The following ARHGAP27 variants were observed in gnomAD, a reference collection of about 807,000 sequenced individuals.
The protein encoded by ARHGAP27 is rho GTPase-activating protein 27.
In ARHGAP27, 53 loss-of-function variants were observed where a neutral mutation model predicts 102.0. The ratio of observed to expected loss-of-function variants is 0.52; its 90% CI spans 0.42 to 0.65. The LOEUF (loss-of-function observed/expected upper bound fraction) is 0.65. ARHGAP27 is among the 30% of genes least tolerant of loss of function. ARHGAP27 has a pLI of 0.00. For synonymous variants in ARHGAP27, 525 were observed against 542.8 expected, an observed-to-expected ratio of 0.97 and a Z score of 0.46; for missense variants, 1,117 against 1,256.2, an observed-to-expected ratio of 0.89 and a Z score of 1.68.
In ARHGAP27 at chr17:45,425,352, A is replaced by C. The variant is rs370720331; in HGVS notation, c.657+4271T>G. Among the ~76,000 whole-genome samples, 119 of 152,190 alleles carry C rather than the reference A, an allele frequency of 7.8e-4. 3 individuals carry two copies. In the South Asian group the frequency reaches 0.021, roughly 27 times the overall value. On this transcript the variant is annotated intron_variant, in intron 4 of 19. Transcript: ENST00000685559. ...CCAAAGTCCCCCTAGCTGGCCCCGA[A>C]GGGGGACAGGAGGGTCTGTCCCAAG...
chr17:45,416,114 C>T (rs1486743861), intron 4 of ARHGAP27, among the ~76,000 whole-genome samples: 2 of 150,388 alleles, frequency 1.3e-5, no homozygotes, highest in Admixed American at 1.3e-4. Context: ...GGCATGATCT[C>T]GGCTCACTGC....
chr17:45,432,106 G>T (rs2050098138), intron 2 of ARHGAP27, 110 bp downstream of exon 2: 1 of 250,274 alleles, frequency 4.0e-6, no homozygotes, highest in South Asian at 3.5e-5. Context: ...TGGTTGTCTC[G>T]TGCGGGCGTT....
At chr17:45,395,952 C>A (rs1326376148) in intron 18 of ARHGAP27, 31 bp downstream of exon 18, 1 of 1,593,598 alleles carries the variant, frequency 6.3e-7, no homozygotes, top group African/African-American at 1.3e-5. Flanking sequence ...ACGCCCCTAC[C>A]CCATCCGCCC....
At chr17:45,408,991 T>C (rs1390770522) in intron 4 of ARHGAP27, 2 of 152,306 alleles carry the variant, frequency 1.3e-5, no homozygotes, top group African/African-American at 2.4e-5. Flanking sequence ...CACAAACTGC[T>C]TGTGTACACA....
In ARHGAP27 at chr17:45,405,853, G is replaced by A. The variant is rs1161408123; in HGVS notation, c.888C>T (p.Asp296=). ...ASPATSPASV[D]SHVSLETEWG... is the part of the protein sequence containing the mutation. ...ACTCGGTCTCAAGGCTCACGTGGCT[G>A]TCCACCGAGGCAGGGGAGGTGGCTG... Residue 296 remains aspartate, a synonymous_variant, in exon 5 of 20, where the codon GAC becomes GAT. Coordinates refer to ENST00000685559, the MANE Select transcript of ARHGAP27 (RefSeq NM_001282290.2). The A allele has an allele frequency of 5.9e-6, 9 of 1,536,212 alleles. No homozygotes were observed. Among genetic ancestry groups the A allele is most frequent in the Non-Finnish European group, 7.0e-6 (8 of 1,146,916 alleles).
Position 45,406,089 on chromosome 17 carries a change from G to A in ARHGAP27, c.658-6C>T, listed in dbSNP as rs1476300413. ...GGCTCCGGTGGGTCGTCCACCTGCG[G>A]GAGGAGAAAGGAGGAATTTTGTGTT... On this transcript the variant is annotated splice_polypyrimidine_tract_variant and splice_region_variant and intron_variant, in intron 4 of 19. Coordinates refer to ENST00000685559, the MANE Select transcript of ARHGAP27 (RefSeq NM_001282290.2). The A allele has an allele frequency of 2.0e-6, 3 of 1,502,064 alleles. No homozygotes were observed. In the African/African-American group the frequency reaches 4.2e-5, roughly 21 times the overall value. 93.0% of individuals were successfully genotyped at this position (1,502,064 alleles called of 1,614,324 possible).
chr17:45,401,945 C>G (rs1315401472), intron 12 of ARHGAP27, among the ~76,000 whole-genome samples: 1 of 152,166 alleles, frequency 6.6e-6, no homozygotes, highest in African/African-American at 2.4e-5. Flanking sequence ...GACAGTTCAC[C>G]ACGTGTGTTT....
At chr17:45,418,271 TAAAAAA>T (rs66460873) in intron 4 of ARHGAP27, among the ~76,000 whole-genome samples, 1 of 100,158 alleles carries the variant, frequency 1.0e-5, no homozygotes, top group Non-Finnish European at 2.0e-5. Flanking sequence ...TAATAAAAAG[TAAAAAA>T]AAAAAAAAAA....
chr17:45,400,641 A>G (rs12452022), intron 12 of ARHGAP27, among the ~76,000 whole-genome samples: 97 of 152,312 alleles, frequency 6.4e-4, no homozygotes, highest in African/African-American at 2.2e-3. Context: ...CAGACCGGGC[A>G]TGGTGGCTCA....
chr17:45,416,076 G>T (rs2048421430), intron 4 of ARHGAP27, among the ~76,000 whole-genome samples: 1 of 150,504 alleles, frequency 6.6e-6, no homozygotes, highest in African/African-American at 2.4e-5. Context: ...GACGGAGTCT[G>T]GCTCTGTCGC....
intron 12 of ARHGAP27, among the ~76,000 whole-genome samples, chr17:45,398,464 G>A (rs997310106): frequency 6.6e-6 from 1 of 152,146 alleles, no homozygotes. Context: ...GGCCAGGCAC[G>A]ATGGCTCATA....
At chr17:45,421,931 T>G (rs2049069740) in intron 4 of ARHGAP27, among the ~76,000 whole-genome samples, 1 of 152,046 alleles carries the variant, frequency 6.6e-6, no homozygotes, top group Non-Finnish European at 1.5e-5. Flanking sequence ...TTTGGGAGGG[T>G]GAGGCAGGTG....
At chr17:45,414,129 A>G (rs1448566174) in intron 4 of ARHGAP27, among the ~76,000 whole-genome samples, 1 of 151,102 alleles carries the variant, frequency 6.6e-6, no homozygotes, top group Non-Finnish European at 1.5e-5. Context: ...GAAATGGTCC[A>G]TGAGGGAACC....
At chr17:45,413,776 C>A (rs1424357084) in intron 4 of ARHGAP27, among the ~76,000 whole-genome samples, 1 of 152,046 alleles carries the variant, frequency 6.6e-6, no homozygotes, top group African/African-American at 2.4e-5. Flanking sequence ...CTGGCAGACA[C>A]CCAGCAGGGC....
chr17:45,410,218 C>T (rs1311932949), intron 4 of ARHGAP27: 1 of 1,533,486 alleles, frequency 6.5e-7, no homozygotes, highest in Non-Finnish European at 8.7e-7. Flanking sequence ...CCCCTTGACC[C>T]CAGCATCCCC....
chr17:45,409,077 TGAG>T (rs1253507156), intron 4 of ARHGAP27: 1 of 152,332 alleles, frequency 6.6e-6, no homozygotes, highest in Admixed American at 6.5e-5. Flanking sequence ...TTGAGCTTTC[TGAG>T]GAGGAGGGTC....
chr17:45,429,843 C>G lies in ARHGAP27; in HGVS notation c.437G>C (p.Arg146Pro). 1 of 1,391,700 alleles carries G rather than the reference C, an allele frequency of 7.2e-7. No individual in the cohort carries two copies. The highest frequency in any genetic ancestry group is 1.5e-5 in the South Asian group (1 of 68,556). 86.2% of individuals were successfully genotyped at this position (1,391,700 alleles called of 1,614,324 possible). A position where few individuals can be genotyped will look rare whatever the true frequency, so the allele number is the denominator to read the frequency against. ...APGLPACLYL[R>P]PAAPVRPAQS... ...CGCGGGCCGCACGGGCGCCGCGGGCCGCAGGTACAGGCAGGCTGGCAGGCC... is the reference window on the plus strand; with the variant it reads ...CGCGGGCCGCACGGGCGCCGCGGGCGGCAGGTACAGGCAGGCTGGCAGGCC... The change falls in exon 4 of 20, where the codon CGG becomes CCG. Residue 146 changes from arginine to proline, a missense_variant. Coordinates refer to ENST00000685559, the MANE Select transcript of ARHGAP27 (RefSeq NM_001282290.2).
intron 4 of ARHGAP27, among the ~76,000 whole-genome samples, chr17:45,426,195 C>T (rs1357323933): frequency 1.3e-5 from 2 of 152,136 alleles, no homozygotes; most frequent in Non-Finnish European, 2.9e-5. Flanking sequence ...ACAGCCACTT[C>T]CTGGCCGTGT....
At position 45,395,839 on chromosome 17, in the gene ARHGAP27, G is replaced by T; in HGVS notation, c.2397C>A (p.Asp799Glu). Residue 799 changes from aspartate to glutamate, a missense_variant, in exon 19 of 20, where the codon GAC becomes GAA. By Grantham distance (45) the Asp-to-Glu change is conservative. Transcript: ENST00000685559. Reference protein sequence around the residue: ...RQFIAAIKLQDQARRSRCVRD... With the variant: ...RQFIAAIKLQEQARRSRCVRD... ...GCACACAGCGGCTGCGCCGGGCCTG[G>T]TCCTGCAACTCTGGGTGAGGGAAGG... 1 of 1,602,060 alleles carries T rather than the reference G, an allele frequency of 6.2e-7. No individual in the cohort carries two copies.
Sources: allele counts gnomAD v4.1 joint callset (sites outside exome capture counted in the v4.1 genomes callset), GRCh38; gene constraint gnomAD v4.1.1; transcripts MANE v1.5; gene names NCBI Gene and HGNC (gene_info 2026-07-23, HGNC 2026-07-21).